SPAST: variants seen among roughly 807,000 people sequenced by gnomAD.
SPAST encodes spastic paraplegia 4 (autosomal dominant; spastin).
In SPAST, 30 loss-of-function variants were observed where a neutral mutation model predicts 76.6. The observed-to-expected ratio is 0.39, with a 90% CI of 0.29 to 0.53. SPAST has a LOEUF of 0.53. SPAST is among the 20% of genes least tolerant of loss of function. SPAST has a pLI of 0.68. For missense variants in SPAST, 717 were observed against 770.5 expected, an observed-to-expected ratio of 0.93 and a Z score of 0.82; for synonymous variants, 305 against 281.0, an observed-to-expected ratio of 1.09 and a Z score of -0.86.
At chr2:32,106,072 A>G (rs1378116922) in intron 4 of SPAST, among the ~76,000 whole-genome samples, 1 of 152,172 alleles carries the variant, frequency 6.6e-6, no homozygotes, top group Admixed American at 6.5e-5. Context: ...GAGTCTACAG[A>G]GGCAGTCAGG....
chr2:32,128,434 T>G lies in SPAST; in HGVS notation c.1200T>G (p.Asn400Lys). Residue 400 changes from asparagine to lysine, a missense_variant, in exon 9 of 17, where the codon AAT becomes AAG. Asn to Lys is a moderately conservative substitution (Grantham distance 94, BLOSUM62 0). Coordinates refer to ENST00000315285, the MANE Select transcript of SPAST (RefSeq NM_014946.4). ...MLAKAVAAES[N>K]ATFFNISAAS... ...CTAAAGCAGTAGCTGCAGAATCGAATGCAACCTTCTTTAATATAAGTGCTG... is the reference window on the plus strand; with the variant it reads ...CTAAAGCAGTAGCTGCAGAATCGAAGGCAACCTTCTTTAATATAAGTGCTG... The G allele has an allele frequency of 6.2e-7, 1 of 1,612,828 alleles. No homozygotes were observed. The highest frequency in any genetic ancestry group is 8.5e-7 in the Non-Finnish European group (1 of 1,178,864).
At chr2:32,088,286 G>C (rs1048826205) in intron 2 of SPAST, among the ~76,000 whole-genome samples, 5 of 152,176 alleles carry the variant, frequency 3.3e-5, no homozygotes, top group Admixed American at 2.6e-4. Flanking sequence ...TCCTGCCTCA[G>C]CTTTCCAAAG....
At chr2:32,089,135 C>G (rs577289848) in intron 2 of SPAST, among the ~76,000 whole-genome samples, 7 of 151,702 alleles carry the variant, frequency 4.6e-5, no homozygotes, top group South Asian at 2.1e-4. Context: ...GGTCACCTCT[C>G]ACTGCAACAT....
At chr2:32,075,631 G>T (rs1676929241) in intron 1 of SPAST, among the ~76,000 whole-genome samples, 1 of 140,160 alleles carries the variant, frequency 7.1e-6, no homozygotes, top group African/African-American at 2.6e-5. Context: ...CTCACTGCAG[G>T]CTCTGCCTCC....
intron 9 of SPAST, among the ~76,000 whole-genome samples, chr2:32,131,902 C>T (rs376535782): frequency 6.6e-6 from 1 of 151,664 alleles, no homozygotes; most frequent in African/African-American, 2.4e-5. Flanking sequence ...CCTTGTGATC[C>T]GCCCGCATCT....
chr2:32,137,743 G>A (rs938430286), intron 12 of SPAST, among the ~76,000 whole-genome samples: 13 of 152,052 alleles, frequency 8.5e-5, no homozygotes, highest in East Asian at 3.9e-4. Context: ...GATGGGTTAC[G>A]TGGGTATATT....
intron 1 of SPAST, among the ~76,000 whole-genome samples, chr2:32,072,873 T>C (rs1466161564): frequency 3.9e-5 from 6 of 152,214 alleles, no homozygotes; most frequent in African/African-American, 1.2e-4. Context: ...GATTCTACTT[T>C]GAAGTTTCTC....
chr2:32,126,364 A>G (rs934660910), intron 7 of SPAST: 1 of 148,238 alleles, frequency 6.7e-6, no homozygotes, highest in African/African-American at 2.5e-5. Flanking sequence ...TTATTCATTT[A>G]GTATTTTTTG....
intron 3 of SPAST, among the ~76,000 whole-genome samples, chr2:32,094,646 G>A (rs761366634): frequency 3.3e-5 from 5 of 152,184 alleles, no homozygotes; most frequent in African/African-American, 1.2e-4. Flanking sequence ...AGCTTTTACC[G>A]CCTGTGAAAT....
intron 4 of SPAST, among the ~76,000 whole-genome samples, chr2:32,099,326 T>A (rs1664535439): frequency 6.6e-6 from 1 of 152,216 alleles, no homozygotes; most frequent in South Asian, 2.1e-4. Context: ...TGTCTTATAG[T>A]ACTTGATAGA....
chr2:32,079,403 C>G (rs1342976287), intron 1 of SPAST, among the ~76,000 whole-genome samples: 2 of 150,488 alleles, frequency 1.3e-5, no homozygotes, highest in Admixed American at 1.3e-4. Flanking sequence ...CCCAGCTATT[C>G]AAGAGGCTGA....
At chr2:32,096,294 G>A (rs918469729) in intron 3 of SPAST, among the ~76,000 whole-genome samples, 3 of 152,192 alleles carry the variant, frequency 2.0e-5, no homozygotes, top group African/African-American at 7.2e-5. Flanking sequence ...AATTAGCTGG[G>A]CATGGGGGCA....
At chr2:32,111,571 T>C (rs1678608697) in intron 4 of SPAST, among the ~76,000 whole-genome samples, 2 of 151,586 alleles carry the variant, frequency 1.3e-5, no homozygotes, top group Non-Finnish European at 2.9e-5. Context: ...GTATTATATA[T>C]TAATGATATT....
At chr2:32,093,610 G>C (rs548961542) in intron 3 of SPAST, among the ~76,000 whole-genome samples, 11 of 151,794 alleles carry the variant, frequency 7.2e-5, no homozygotes, top group Non-Finnish European at 1.3e-4. Flanking sequence ...TATGTTTATT[G>C]TGTACTATCT....
chr2:32,121,241 C>T (rs941042168), intron 7 of SPAST, among the ~76,000 whole-genome samples: 1 of 152,138 alleles, frequency 6.6e-6, no homozygotes, highest in Admixed American at 6.5e-5. Context: ...CAACCTCCAC[C>T]TCTGGGGTTC....
Position 32,110,803 on chromosome 2 carries a change from GTATACTA to G in SPAST, c.683-3830_683-3824del, listed in dbSNP as rs1249161327. On this transcript the variant is annotated intron_variant, in intron 4 of 16. Transcript: ENST00000315285. ...TACTATATATAGTATAGTATACATAGTATACTATATAGTATATAGAGTATATATACAG... is the reference window on the plus strand; with the variant it reads ...TACTATATATAGTATAGTATACATAGTATAGTATATAGAGTATATATACAG... Among the ~76,000 whole-genome samples, 23 of 134,574 alleles carry G rather than the reference GTATACTA, an allele frequency of 1.7e-4. 1 individual carries two copies. The highest frequency in any genetic ancestry group is 6.0e-4 in the African/African-American group (22 of 36,778). The allele number at this position is 134,574 out of a possible 152,430, so 88.3% of individuals were successfully genotyped here. A position where few individuals can be genotyped will look rare whatever the true frequency, so the allele number is the denominator to read the frequency against.
At chr2:32,084,875 G>T (rs888244179) in intron 1 of SPAST, among the ~76,000 whole-genome samples, 2 of 118,506 alleles carry the variant, frequency 1.7e-5, no homozygotes, top group Non-Finnish European at 3.3e-5. Flanking sequence ...GCAATAGAGT[G>T]AGACTCCGTC....
At chr2:32,094,135 T>G (rs940327234) in intron 3 of SPAST, among the ~76,000 whole-genome samples, 1 of 152,220 alleles carries the variant, frequency 6.6e-6, no homozygotes, top group Non-Finnish European at 1.5e-5. Flanking sequence ...AATACACGTT[T>G]GTACACAAGT....
At chr2:32,105,820 A>T (rs1205806948) in intron 4 of SPAST, among the ~76,000 whole-genome samples, 1 of 152,116 alleles carries the variant, frequency 6.6e-6, no homozygotes, top group Non-Finnish European at 1.5e-5. Flanking sequence ...CTTCCTCTGG[A>T]ACCTTCGTCT....
Sources: gnomAD v4.1 joint callset for allele counts (sites outside exome capture counted in the v4.1 genomes callset) on GRCh38, gnomAD v4.1.1 for gene constraint, MANE v1.5 for transcripts, NCBI Gene and HGNC (gene_info 2026-07-23, HGNC 2026-07-21) for gene names.